The following PTPRK variants were observed in gnomAD, a reference collection of about 807,000 sequenced individuals.
PTPRK encodes receptor-type tyrosine-protein phosphatase kappa.
In PTPRK, 75 loss-of-function variants were observed where a neutral mutation model predicts 178.0. That is an observed-to-expected ratio of 0.42 (90% confidence interval 0.35 to 0.51). The LOEUF is 0.51. Among genes scored for constraint, PTPRK ranks in the 20% least tolerant of loss-of-function variants. The pLI is 0.02. For synonymous variants in PTPRK, 637 were observed against 620.6 expected (o/e 1.03, Z -0.39); for missense variants, 1,441 against 1,797.8 (o/e 0.80, Z 3.59).
intron 13 of PTPRK, among the ~76,000 whole-genome samples, chr6:128,041,474 T>A (rs1777152514): frequency 1.3e-5 from 2 of 152,090 alleles, no homozygotes; most frequent in Admixed American, 1.3e-4. Context: ...TCTGCAAATG[T>A]GCTTCAATGA....
intron 27 of PTPRK, among the ~76,000 whole-genome samples, chr6:127,975,882 G>A (rs1774518025): frequency 6.6e-6 from 1 of 151,998 alleles, no homozygotes; most frequent in African/African-American, 2.4e-5. Flanking sequence ...CACGTTGCCA[G>A]GCTGGTCTTG....
At chr6:128,210,250 C>T (rs529783342) in intron 6 of PTPRK, among the ~76,000 whole-genome samples, 14 of 151,950 alleles carry the variant, frequency 9.2e-5, no homozygotes, top group African/African-American at 3.4e-4. Context: ...GATTTCTATT[C>T]ACTGCATTTC....
chr6:128,014,063 T>C (rs1467134374), intron 13 of PTPRK, among the ~76,000 whole-genome samples: 1 of 151,540 alleles, frequency 6.6e-6, no homozygotes, highest in Non-Finnish European at 1.5e-5. Flanking sequence ...AAAATATTAG[T>C]TGAATAAATG....
intron 6 of PTPRK, among the ~76,000 whole-genome samples, chr6:128,189,874 G>A (rs903436380): frequency 4.6e-5 from 7 of 152,170 alleles, no homozygotes; most frequent in Non-Finnish European, 1.0e-4. Flanking sequence ...CTAAGAGGAA[G>A]AAGAAAGACA....
At chr6:128,438,141 C>T (rs1293202199) in intron 1 of PTPRK, among the ~76,000 whole-genome samples, 1 of 152,216 alleles carries the variant, frequency 6.6e-6, no homozygotes, top group Non-Finnish European at 1.5e-5. Context: ...GTCGGCTGTG[C>T]ATACATTGGG....
chr6:128,464,800 T>C (rs1331990477), intron 1 of PTPRK, among the ~76,000 whole-genome samples: 1 of 149,806 alleles, frequency 6.7e-6, no homozygotes, highest in Non-Finnish European at 1.5e-5. Context: ...GTTATTTTTT[T>C]TTAATTTAGA....
Position 128,103,833 on chromosome 6 carries a change from C to G in PTPRK, c.1163-13841G>C, listed in dbSNP as rs561364622. 9.9e-5 allele frequency among the ~76,000 whole-genome samples: 15 copies of G among 152,252 alleles called. No homozygotes were observed. The South Asian group carries it at 2.9e-3, about 29-fold the overall frequency. ...GCTTCCTCTTTGACCTGTCTTCCCA[C>G]AGTTTGTTACAGGGATCCTGAAAAA... is the stretch of plus-strand genomic sequence containing the variant. On this transcript the variant is annotated intron_variant, in intron 7 of 29. Coordinates refer to ENST00000368226, the MANE Select transcript of PTPRK (RefSeq NM_002844.4).
intron 11 of PTPRK, among the ~76,000 whole-genome samples, chr6:128,072,622 T>A (rs1291519920): frequency 6.6e-6 from 1 of 152,022 alleles, no homozygotes; most frequent in Non-Finnish European, 1.5e-5. Flanking sequence ...ACCTTATATC[T>A]CCATTCTTGT....
chr6:127,981,543 C>T (rs1247825662), intron 24 of PTPRK, among the ~76,000 whole-genome samples: 1 of 152,170 alleles, frequency 6.6e-6, no homozygotes, highest in South Asian at 2.1e-4. Flanking sequence ...ACACTGCTAC[C>T]TGCAAAATGC....
At chr6:128,213,981 T>C (rs1288153324) in intron 6 of PTPRK, among the ~76,000 whole-genome samples, 3 of 152,090 alleles carry the variant, frequency 2.0e-5, no homozygotes, top group Admixed American at 1.3e-4. Context: ...AGAAGAAATA[T>C]GTGGTTCATT....
chr6:128,156,595 A>G (rs1351169785), intron 7 of PTPRK, among the ~76,000 whole-genome samples: 3 of 152,034 alleles, frequency 2.0e-5, no homozygotes, highest in Admixed American at 6.6e-5. Context: ...CCATGATTCA[A>G]TCAACTCCCA....
chr6:128,051,500 CTATTT>C (rs1355737432), intron 13 of PTPRK, among the ~76,000 whole-genome samples: 2 of 152,190 alleles, frequency 1.3e-5, no homozygotes, highest in African/African-American at 4.8e-5. Context: ...TCTTCTCATC[CTATTT>C]TATTTGAGCT....
chr6:128,504,817 T>G (rs1856087618), intron 1 of PTPRK, among the ~76,000 whole-genome samples: 1 of 152,156 alleles, frequency 6.6e-6, no homozygotes, highest in South Asian at 2.1e-4. Context: ...TATACTACTA[T>G]CTAGTGTTTT....
chr6:128,198,482 G>A (rs755982665), intron 6 of PTPRK, among the ~76,000 whole-genome samples: 39 of 152,082 alleles, frequency 2.6e-4, no homozygotes, highest in African/African-American at 5.1e-4. Context: ...TGGGGGTAGG[G>A]GGCTAGGGGA....
intron 3 of PTPRK, among the ~76,000 whole-genome samples, chr6:128,285,970 G>C (rs771417594): frequency 1.3e-5 from 2 of 152,006 alleles, no homozygotes; most frequent in Non-Finnish European, 2.9e-5. Context: ...TGATCCACGA[G>C]CCCTCTGGAA....
chr6:128,380,555 T>C (rs202012606), intron 2 of PTPRK, among the ~76,000 whole-genome samples: 2,474 of 49,132 alleles, frequency 0.05, 15 homozygotes, highest in Middle Eastern at 0.17. Flanking sequence ...CACACACACG[T>C]GTGTGTGTGT....
intron 13 of PTPRK, among the ~76,000 whole-genome samples, chr6:128,025,299 T>G (rs1774117933): frequency 6.6e-6 from 1 of 152,244 alleles, no homozygotes; most frequent in African/African-American, 2.4e-5. Flanking sequence ...TTGTTTTCTC[T>G]AACTTTTGTT....
intron 7 of PTPRK, among the ~76,000 whole-genome samples, chr6:128,094,986 G>A (rs1365316976): frequency 1.3e-5 from 2 of 152,054 alleles, no homozygotes; most frequent in African/African-American, 2.4e-5. Context: ...ATGACAGGGG[G>A]CAGGTGAGTT....
chr6:127,996,618 C>G (rs1056082080), intron 17 of PTPRK, among the ~76,000 whole-genome samples: 1 of 152,072 alleles, frequency 6.6e-6, no homozygotes, highest in Non-Finnish European at 1.5e-5. Context: ...ATTACAGGTG[C>G]GTGCCACCAA....
Sources: gnomAD v4.1 joint callset for allele counts (sites outside exome capture counted in the v4.1 genomes callset) on GRCh38, gnomAD v4.1.1 for gene constraint, MANE v1.5 for transcripts, NCBI Gene and HGNC (gene_info 2026-07-23, HGNC 2026-07-21) for gene names.